Variants in RALGAPA2 observed in about 807,000 individuals in gnomAD.
RALGAPA2 encodes Ral GTPase activating protein catalytic subunit alpha 2.
Under a neutral mutation model 230.4 loss-of-function variants are expected in RALGAPA2, and 139 were observed. That is an observed-to-expected ratio of 0.60 (90% CI 0.53 to 0.69). RALGAPA2 has a LOEUF of 0.69. RALGAPA2 is among the 30% of genes least tolerant of loss of function. The pLI, the probability that RALGAPA2 is intolerant of heterozygous loss-of-function variation, is 0.00. For synonymous variants in RALGAPA2, 847 were observed against 837.8 expected (o/e 1.01, Z -0.19); for missense variants, 2,163 against 2,276.0 (o/e 0.95, Z 1.01).
Position 20,513,065 on chromosome 20 carries a change from G to A in RALGAPA2, c.4304C>T (p.Thr1435Ile), listed in dbSNP as rs780021723. The change falls in exon 32 of 40, where the codon ACC becomes ATC. Residue 1435 changes from threonine to isoleucine, a missense_variant. Transcript: ENST00000202677. ...GGGTGTCTGAAGGTAGGAGATGAGG[G>A]TGCTATCATTAAATACAAACAGCTG... is the stretch of plus-strand genomic sequence containing the variant. ...NLQLFVFNDS[T>I]LISYLQTPTE... is the part of the protein sequence containing the mutation. 2 of 1,609,802 alleles carry A rather than the reference G, an allele frequency of 1.2e-6. No homozygotes were observed. Among genetic ancestry groups the A allele is most frequent in the Non-Finnish European group, 8.5e-7 (1 of 1,178,350 alleles).
At chr20:20,582,988 A>G (rs536230262) in intron 20 of RALGAPA2, 62 bp downstream of exon 20, 22 of 1,537,356 alleles carry the variant, frequency 1.4e-5, no homozygotes, top group East Asian at 1.1e-4. Context: ...CAAGACTCCA[A>G]TGATTCACAA....
At chr20:20,629,684 G>A (rs117408162) in intron 9 of RALGAPA2, 94 bp from the exon 10 acceptor site, 784 of 1,306,216 alleles carry the variant, frequency 6.0e-4, no homozygotes, top group Non-Finnish European at 7.4e-4. Context: ...AGTAACTCTG[G>A]TTACCATCAA....
chr20:20,682,864 CA>C (rs1276901290), intron 1 of RALGAPA2, among the ~76,000 whole-genome samples: 1 of 152,178 alleles, frequency 6.6e-6, no homozygotes, highest in African/African-American at 2.4e-5. Context: ...TTGGGGCAAT[CA>C]AAAGACAAAT....
Position 20,712,455 on chromosome 20 carries a change from T to G in RALGAPA2, c.26A>C (p.Asp9Ala). 1 of 1,551,234 alleles carries G rather than the reference T, an allele frequency of 6.4e-7. No individual in the cohort carries two copies. MFSRRSHG[D>A]VKKSTQKVLD... ...CACCTTCTGGGTGGACTTCTTCACA[T>G]CCCCGTGGCTCCTTCGGGAGAACAT... Residue 9 changes from aspartate to alanine, a missense_variant, in exon 1 of 40, where the codon GAT becomes GCT. Transcript: ENST00000202677. The surrounding 1 kb of genome is among the most constrained non-coding windows in gnomAD (Gnocchi z 5.5).
intron 36 of RALGAPA2, among the ~76,000 whole-genome samples, chr20:20,491,643 C>G (rs2062062020): frequency 6.6e-6 from 1 of 152,184 alleles, no homozygotes; most frequent in South Asian, 2.1e-4. Context: ...CCTTGAATCA[C>G]TCACATTCTG....
At chr20:20,639,161 T>C (rs932122562) in intron 7 of RALGAPA2, among the ~76,000 whole-genome samples, 5 of 152,066 alleles carry the variant, frequency 3.3e-5, no homozygotes, top group East Asian at 1.9e-4. Context: ...GTGAACTCAG[T>C]AGAGATTATT....
intron 23 of RALGAPA2, among the ~76,000 whole-genome samples, chr20:20,559,756 A>C (rs2064201032): frequency 1.3e-5 from 2 of 152,118 alleles, no homozygotes; most frequent in Admixed American, 6.5e-5. Flanking sequence ...AATTCCAGTA[A>C]AAGATACAAC....
intron 3 of RALGAPA2, among the ~76,000 whole-genome samples, chr20:20,668,454 C>T (rs1375864172): frequency 4.6e-5 from 7 of 152,112 alleles, no homozygotes; most frequent in Admixed American, 2.6e-4. Flanking sequence ...TGTTAAGTCA[C>T]GGTTGTTGGC....
In RALGAPA2 at chr20:20,589,380, G is replaced by A. The variant is rs771966091; in HGVS notation, c.2342-15C>T. The A allele has an allele frequency of 9.6e-6, 15 of 1,569,424 alleles. No homozygotes were observed. In the South Asian group the frequency reaches 1.6e-4, roughly 17 times the overall value. ...TGCCTTTTGACCTAGAAATGGTGGG[G>A]CAGGGGGGTAGCGGAAATAGAAGGA... On this transcript the variant is annotated splice_polypyrimidine_tract_variant and intron_variant, in intron 17 of 39. Transcript: ENST00000202677.
intron 20 of RALGAPA2, 143 bp downstream of exon 20, chr20:20,582,906 TC>T: frequency 1.3e-6 from 1 of 797,266 alleles, no homozygotes; most frequent in Non-Finnish European, 1.9e-6. Flanking sequence ...TACCATCACT[TC>T]CTCCTATGGT....
In RALGAPA2 at chr20:20,681,860, A is replaced by G. The variant is rs938437584; in HGVS notation, c.107-1059T>C. ...GGCAAGAGTGAAACCCCTGTCTCTT[A>G]AAAACAAAACAAAACAAAGCAAAAA... is the stretch of plus-strand genomic sequence containing the variant. On this transcript the variant is annotated intron_variant, in intron 1 of 39. Transcript: ENST00000202677. Among the ~76,000 whole-genome samples the G allele has an allele frequency of 2.6e-5, 4 of 152,114 alleles. No individual in the cohort carries two copies. The South Asian group carries it at 8.3e-4, about 32-fold the overall frequency.
At chr20:20,419,684 A>G (rs551755482) in intron 37 of RALGAPA2, among the ~76,000 whole-genome samples, 26 of 152,370 alleles carry the variant, frequency 1.7e-4, no homozygotes, top group African/African-American at 6.3e-4. Context: ...ATTAAGAATG[A>G]CAAAACCAGC....
intron 2 of RALGAPA2, among the ~76,000 whole-genome samples, chr20:20,679,905 T>C (rs6137095): frequency 0.017 from 2,569 of 152,362 alleles, 94 homozygotes; most frequent in East Asian, 0.14. Context: ...AATAAATGAA[T>C]GACATCTACT....
chr20:20,549,046 C>G (rs529180310), intron 23 of RALGAPA2, among the ~76,000 whole-genome samples: 1 of 152,098 alleles, frequency 6.6e-6, no homozygotes, highest in Admixed American at 6.5e-5. Context: ...GGAACTAAAC[C>G]TTGAAGCTTG....
At chr20:20,543,812 T>C (rs999590936) in intron 24 of RALGAPA2, among the ~76,000 whole-genome samples, 6 of 151,748 alleles carry the variant, frequency 4.0e-5, no homozygotes, top group Admixed American at 3.9e-4. Context: ...CACACCAACA[T>C]GACACATGTA....
chr20:20,394,595 C>T (rs2059667669), intron 39 of RALGAPA2, among the ~76,000 whole-genome samples: 1 of 151,002 alleles, frequency 6.6e-6, no homozygotes, highest in Non-Finnish European at 1.5e-5. Flanking sequence ...GGCTTCACTG[C>T]ACTCCAGCTT....
chr20:20,701,729 C>CAATAAA (rs2069376102), intron 1 of RALGAPA2, among the ~76,000 whole-genome samples: 1 of 149,472 alleles, frequency 6.7e-6, no homozygotes, highest in African/African-American at 2.5e-5. Flanking sequence ...GACTTCATCT[C>CAATAAA]AAAGAATAAA....
At chr20:20,538,212 CA>C (rs1414856000) in intron 24 of RALGAPA2, among the ~76,000 whole-genome samples, 1 of 152,140 alleles carries the variant, frequency 6.6e-6, no homozygotes, top group Non-Finnish European at 1.5e-5. Flanking sequence ...CATAAGTACA[CA>C]GGTAAATAAA....
At chr20:20,494,614 G>A (rs537073801) in intron 36 of RALGAPA2, among the ~76,000 whole-genome samples, 14 of 152,282 alleles carry the variant, frequency 9.2e-5, no homozygotes, top group Admixed American at 3.3e-4. Context: ...CACGTGGGCC[G>A]TGCTCCAGAG....
Sources: gnomAD v4.1 joint callset for allele counts (sites outside exome capture counted in the v4.1 genomes callset) on GRCh38, gnomAD v4.1.1 for gene constraint, Gnocchi (gnomAD v3.1) non-coding constraint, MANE v1.5 for transcripts, NCBI Gene and HGNC (gene_info 2026-07-23, HGNC 2026-07-21) for gene names.